The following IMMP2L variants were observed in gnomAD, a reference collection of about 807,000 sequenced individuals.
The protein encoded by IMMP2L is inner mitochondrial membrane peptidase subunit 2, also known as mitochondrial inner membrane protease subunit 2.
IMMP2L carries 18 observed loss-of-function variants against 19.3 expected under a neutral mutation model. The observed-to-expected ratio is 0.93, with a 90% CI of 0.64 to 1.38. IMMP2L has a LOEUF of 1.38. Among genes scored for constraint, IMMP2L ranks in the 40% most tolerant of loss-of-function variants. The pLI, the probability that IMMP2L is intolerant of heterozygous loss-of-function variation, is 0.00. For missense variants in IMMP2L, 233 were observed against 218.2 expected, an observed-to-expected ratio of 1.07 and a Z score of -0.43; for synonymous variants, 76 against 73.0, an observed-to-expected ratio of 1.04 and a Z score of -0.21.
chr7:110,732,521 A>T (rs1047593699), intron 5 of IMMP2L, among the ~76,000 whole-genome samples: 1 of 150,066 alleles, frequency 6.7e-6, no homozygotes, highest in East Asian at 1.9e-4. Context: ...GGAAGAATAG[A>T]CACAGATAGA....
At chr7:111,021,110 A>T (rs1826228784) in intron 3 of IMMP2L, among the ~76,000 whole-genome samples, 1 of 152,242 alleles carries the variant, frequency 6.6e-6, no homozygotes, top group African/African-American at 2.4e-5. Context: ...ATTCAGAATA[A>T]CACTGCTCAA....
intron 3 of IMMP2L, among the ~76,000 whole-genome samples, chr7:111,082,874 A>AAAT (rs779468644): frequency 7.7e-4 from 116 of 151,156 alleles, no homozygotes; most frequent in Middle Eastern, 6.8e-3. Flanking sequence ...AAAAAAAAAA[A>AAAT]TGACACGTGT....
chr7:111,497,960 C>A (rs1358505888), intron 2 of IMMP2L, among the ~76,000 whole-genome samples: 2 of 151,680 alleles, frequency 1.3e-5, no homozygotes, highest in African/African-American at 2.4e-5. Context: ...TTATTTTCCA[C>A]ATTTTTCTAT....
intron 3 of IMMP2L, among the ~76,000 whole-genome samples, chr7:111,368,275 G>A (rs1175013249): frequency 6.6e-6 from 1 of 151,790 alleles, no homozygotes; most frequent in African/African-American, 2.4e-5. Context: ...TCTCTACTAT[G>A]CAGTCCTGGT....
At chr7:110,779,291 A>T (rs1799587607) in intron 5 of IMMP2L, among the ~76,000 whole-genome samples, 1 of 152,000 alleles carries the variant, frequency 6.6e-6, no homozygotes, top group African/African-American at 2.4e-5. Flanking sequence ...AAATGAAATC[A>T]AAGTTATTTT....
chr7:110,756,701 T>G (rs921487069), intron 5 of IMMP2L, among the ~76,000 whole-genome samples: 4 of 152,160 alleles, frequency 2.6e-5, no homozygotes, highest in African/African-American at 4.8e-5. Flanking sequence ...ACATGCCAAC[T>G]GTTAATTTAA....
At chr7:111,156,905 T>TCTA (rs894998266) in intron 3 of IMMP2L, among the ~76,000 whole-genome samples, 3 of 152,012 alleles carry the variant, frequency 2.0e-5, no homozygotes, top group African/African-American at 7.2e-5. Flanking sequence ...ATTCAAATTT[T>TCTA]CTACTACTCC....
chr7:110,701,482 G>A (rs530036408), intron 5 of IMMP2L, among the ~76,000 whole-genome samples: 10 of 151,774 alleles, frequency 6.6e-5, no homozygotes, highest in Admixed American at 3.9e-4. Flanking sequence ...GTACAATGAC[G>A]CAATCTCGGC....
chr7:111,513,521 G>A (rs758850664), intron 2 of IMMP2L, among the ~76,000 whole-genome samples: 17 of 152,096 alleles, frequency 1.1e-4, no homozygotes. Flanking sequence ...ATGTAAATTA[G>A]TTCAACCATT....
chr7:111,421,718 A>C (rs989011344), intron 3 of IMMP2L, among the ~76,000 whole-genome samples: 1 of 151,590 alleles, frequency 6.6e-6, no homozygotes, highest in African/African-American at 2.4e-5. Context: ...GAAGCTCTTT[A>C]GTTTAATTAG....
intron 3 of IMMP2L, among the ~76,000 whole-genome samples, chr7:111,378,186 T>C (rs996834306): frequency 6.6e-6 from 1 of 151,976 alleles, no homozygotes; most frequent in South Asian, 2.1e-4. Context: ...TATGTCAGGA[T>C]GTAAGCAAAA....
At chr7:110,692,749 GA>G (rs939445338) in intron 5 of IMMP2L, among the ~76,000 whole-genome samples, 1 of 152,160 alleles carries the variant, frequency 6.6e-6, no homozygotes, top group African/African-American at 2.4e-5. Context: ...GAACCAGTGT[GA>G]AAACTGCTAG....
chr7:110,873,755 A>G (rs1331374923), intron 5 of IMMP2L, among the ~76,000 whole-genome samples: 1 of 151,780 alleles, frequency 6.6e-6, no homozygotes, highest in Non-Finnish European at 1.5e-5. Flanking sequence ...GCAATGGGCA[A>G]CAAGAGTGAA....
chr7:111,387,793 T>C (rs921599156), intron 3 of IMMP2L, among the ~76,000 whole-genome samples: 4 of 151,684 alleles, frequency 2.6e-5, no homozygotes, highest in African/African-American at 9.7e-5. Flanking sequence ...CTGGCCAACA[T>C]GATGAAACCT....
chr7:111,456,757 G>A (rs1395309966), intron 3 of IMMP2L, among the ~76,000 whole-genome samples: 1 of 144,500 alleles, frequency 6.9e-6, no homozygotes, highest in Non-Finnish European at 1.5e-5. Context: ...CAGTGGCCTT[G>A]ATTCTCACAG....
intron 5 of IMMP2L, among the ~76,000 whole-genome samples, chr7:110,692,211 A>G (rs1009473049): frequency 2.0e-5 from 3 of 152,186 alleles, no homozygotes; most frequent in African/African-American, 7.2e-5. Flanking sequence ...GAAGGTCATT[A>G]TGTGAAGTGA....
At chr7:111,160,498 G>T (rs1805136179) in intron 3 of IMMP2L, among the ~76,000 whole-genome samples, 1 of 151,758 alleles carries the variant, frequency 6.6e-6, no homozygotes, top group Admixed American at 6.6e-5. Context: ...GCATATAAGT[G>T]AGTAAATTAA....
intron 3 of IMMP2L, among the ~76,000 whole-genome samples, chr7:111,413,326 A>G (rs1834613628): frequency 1.3e-5 from 2 of 152,170 alleles, no homozygotes; most frequent in Admixed American, 1.3e-4. Flanking sequence ...TTTAGAAAAG[A>G]AAAAAAGAAG....
chr7:111,046,065 A>G (rs571460264), intron 3 of IMMP2L, among the ~76,000 whole-genome samples: 1 of 152,348 alleles, frequency 6.6e-6, no homozygotes, highest in Non-Finnish European at 1.5e-5. Flanking sequence ...GAATTTGAAA[A>G]AAGTTTACAA....
Sources: gnomAD v4.1 joint callset for allele counts (sites outside exome capture counted in the v4.1 genomes callset) on GRCh38, gnomAD v4.1.1 for gene constraint, MANE v1.5 for transcripts, NCBI Gene and HGNC (gene_info 2026-07-23, HGNC 2026-07-21) for gene names.